The following GCKR variants were observed in gnomAD, a reference collection of about 807,000 sequenced individuals.
GCKR encodes glucokinase regulator.
GCKR carries 73 observed loss-of-function variants against 82.9 expected under a neutral mutation model. That is an observed-to-expected ratio of 0.88 (90% CI 0.73 to 1.07). The LOEUF (loss-of-function observed/expected upper bound fraction) is 1.07, where lower values mean the gene tolerates loss of function less well. Ranked by LOEUF, GCKR falls within the 50% of genes least tolerant of loss-of-function variation. The probability of loss-of-function intolerance (pLI) is 0.00; values close to 1 mark genes in which losing one functional copy is unlikely to be tolerated. For synonymous variants in GCKR, 294 were observed against 291.8 expected, an observed-to-expected ratio of 1.01 and a Z score of -0.08; for missense variants, 784 against 782.1, an observed-to-expected ratio of 1.00 and a Z score of -0.03.
chr2:27,508,010 A>T lies in GCKR; in HGVS notation c.1274A>T (p.Gln425Leu). The T allele has an allele frequency of 6.2e-7, 1 of 1,613,728 alleles. No homozygotes were observed. Among genetic ancestry groups the T allele is most frequent in the Non-Finnish European group, 8.5e-7 (1 of 1,179,640 alleles). ...ACGGAGGTGCAGACTATAGTGGAGC[A>T]GGTGAAAGAGAAGACCAACCACATC... ...NLTEVQTIVE[Q>L]VKEKTNHIQA... The change falls in exon 15 of 19, where the codon CAG becomes CTG. Residue 425 changes from glutamine to leucine, a missense_variant. Transcript: ENST00000264717.
At position 27,508,032 on chromosome 2, in the gene GCKR, C is replaced by T. The variant is rs1249152082; in HGVS notation, c.1296C>T (p.His432=). The change falls in exon 15 of 19, where the codon CAC becomes CAT. Residue 432 remains histidine (H), a synonymous_variant. Transcript: ENST00000264717. ...AGCAGGTGAAAGAGAAGACCAACCACATCCAGGCCCTGGCACACAGCACCG... is the reference window on the plus strand; with the variant it reads ...AGCAGGTGAAAGAGAAGACCAACCATATCCAGGCCCTGGCACACAGCACCG... The part of the protein sequence containing the change: ...IVEQVKEKTN[H]IQALAHSTVG... 6.2e-7 allele frequency: 1 copy of T among 1,613,906 alleles called. No individual in the cohort carries two copies. The highest frequency in any genetic ancestry group is 1.3e-5 in the African/African-American group (1 of 74,922).
chr2:27,505,625 G>T, intron 9 of GCKR, 93 bp from the exon 10 acceptor site: 1 of 754,252 alleles, frequency 1.3e-6, no homozygotes, highest in South Asian at 1.4e-5. Flanking sequence ...GGGGCCACTG[G>T]TACTATCACA....
chr2:27,500,374 G>A (rs1669546197), intron 7 of GCKR, among the ~76,000 whole-genome samples: 1 of 152,212 alleles, frequency 6.6e-6, no homozygotes, highest in Non-Finnish European at 1.5e-5. Context: ...CTGACCTCAA[G>A]TGATCTGCCC....
At chr2:27,516,596 ATTC>A (rs1296691046) in intron 16 of GCKR, among the ~76,000 whole-genome samples, 1 of 152,092 alleles carries the variant, frequency 6.6e-6, no homozygotes, top group Non-Finnish European at 1.5e-5. Flanking sequence ...TGCCCAGCCT[ATTC>A]TTCTTTTTAA....
chr2:27,509,591 CT>C, intron 16 of GCKR: 1 of 423,612 alleles, frequency 2.4e-6, no homozygotes, highest in Non-Finnish European at 4.9e-6. Flanking sequence ...ATCCACCCGC[CT>C]TAGCCTCCCA....
chr2:27,523,594 G>A lies in GCKR; in HGVS notation c.*155G>A. ...TAGGGAGAAATATTCTCTCCACTTT[G>A]GGGGAGAGTTCTTGCTCTCGACCTA... On this transcript the variant is annotated 3_prime_UTR_variant, in exon 19 of 19. Transcript: ENST00000264717. The A allele has an allele frequency of 1.4e-6, 1 of 715,522 alleles. No homozygotes were observed. The highest frequency in any genetic ancestry group is 1.6e-5 in the South Asian group (1 of 62,096). 44.3% of individuals were successfully genotyped at this position (715,522 alleles called of 1,614,324 possible). A position where few individuals can be genotyped will look rare whatever the true frequency, so the allele number is the denominator to read the frequency against.
intron 9 of GCKR, among the ~76,000 whole-genome samples, chr2:27,504,358 CTTTT>C (rs72281151): frequency 7.1e-6 from 1 of 141,590 alleles, no homozygotes. Context: ...TCAGTCACTA[CTTTT>C]TTTTTTTTTT....
At position 27,522,526 on chromosome 2, in the gene GCKR, C is replaced by T; in HGVS notation, c.1639C>T (p.Pro547Ser). 2 of 1,613,936 alleles carry T rather than the reference C, an allele frequency of 1.2e-6. No homozygotes were observed. Among genetic ancestry groups the T allele is most frequent in the Non-Finnish European group, 1.7e-6 (2 of 1,179,786 alleles). ...CCTCCGAGCGATCCACTTTCCCCAG[C>T]CACTGTCAGATGATATTCGGGCTGC... ...SLLRAIHFPQPLSDDIRAAPI... is the reference protein window; with the variant it reads ...SLLRAIHFPQSLSDDIRAAPI... The change falls in exon 18 of 19, where the codon CCA becomes TCA. Residue 547 changes from proline to serine, a missense_variant. Coordinates refer to ENST00000264717, the MANE Select transcript of GCKR (RefSeq NM_001486.4).
rs367961156 is a variant in GCKR at position 27,518,922 on chromosome 2, G to A, written c.1557G>A (p.Ala519=). 51 of 1,612,880 alleles carry A rather than the reference G, an allele frequency of 3.2e-5. No homozygotes were observed. The African/African-American group carries it at 4.4e-4, about 14-fold the overall frequency. The change falls in exon 17 of 19, where the codon GCG becomes GCA. Residue 519 remains alanine, a synonymous_variant. Coordinates refer to ENST00000264717, the MANE Select transcript of GCKR (RefSeq NM_001486.4). The stretch of plus-strand genomic sequence containing the variant: ...GCAACTCCAAGCTCTTCTGGCGGGC[G>A]CTGGCCATGCTGCAGGTAGGGATAT... ...RISNSKLFWR[A]LAMLQRFSGQ... is the part of the protein sequence containing the mutation.
rs1246063428 is a variant in GCKR, at chr2:27,502,688, T to C, written c.645-826T>C. Among the ~76,000 whole-genome samples the C allele has an allele frequency of 3.3e-5, 5 of 152,162 alleles. No individual in the cohort carries two copies. In the East Asian group the frequency reaches 9.6e-4, roughly 29 times the overall value. On this transcript the variant is annotated intron_variant, in intron 8 of 18. Transcript: ENST00000264717. ...CATTTTATACAACGGGCATGAAATA[T>C]GTGAAACTTGTCTGCCCTAGAAGTA...
At chr2:27,521,062 T>C (rs1247035492) in intron 17 of GCKR, among the ~76,000 whole-genome samples, 1 of 150,932 alleles carries the variant, frequency 6.6e-6, no homozygotes, top group Non-Finnish European at 1.5e-5. Flanking sequence ...AAATTAAAAT[T>C]AAAAAAAGCC....
chr2:27,503,402 G>T, intron 8 of GCKR, 112 bp from the exon 9 acceptor site: 2 of 725,908 alleles, frequency 2.8e-6, no homozygotes, highest in Non-Finnish European at 2.6e-6. Flanking sequence ...GTATGAAGTT[G>T]TTGACCTCTG....
In GCKR at chr2:27,498,269, G is replaced by T. The variant is rs376404254; in HGVS notation, c.300G>T (p.Gly100=). The change falls in exon 4 of 19, where the codon GGG becomes GGT. Residue 100 remains glycine (G), a synonymous_variant. Transcript: ENST00000264717. ...VQEVLKEPDG[G]LVVLSGGGTS... is the part of the protein sequence containing the mutation. ...TCCTTCTTCAGGAGCCAGATGGGGGGCTGGTTGTGCTGAGTGGAGGGGGCA... is the reference window on the plus strand; with the variant it reads ...TCCTTCTTCAGGAGCCAGATGGGGGTCTGGTTGTGCTGAGTGGAGGGGGCA... 1 of 1,613,262 alleles carries T rather than the reference G, an allele frequency of 6.2e-7. No individual in the cohort carries two copies. Among genetic ancestry groups the T allele is most frequent in the Admixed American group, 1.7e-5 (1 of 60,008 alleles).
chr2:27,501,397 G>A (rs1446001859), intron 8 of GCKR, among the ~76,000 whole-genome samples, 168 bp downstream of exon 8: 1 of 152,210 alleles, frequency 6.6e-6, no homozygotes, highest in Non-Finnish European at 1.5e-5. Flanking sequence ...TTGTTTGTTG[G>A]TTGGTTGAAT....
intron 8 of GCKR, among the ~76,000 whole-genome samples, chr2:27,502,578 C>T (rs528957806): frequency 3.2e-4 from 49 of 152,250 alleles, no homozygotes; most frequent in African/African-American, 9.9e-4. Flanking sequence ...TTAAACCATA[C>T]GATATGAACC....
chr2:27,518,090 G>C (rs1670052616), intron 16 of GCKR, among the ~76,000 whole-genome samples: 1 of 152,114 alleles, frequency 6.6e-6, no homozygotes, highest in African/African-American at 2.4e-5. Context: ...CTGTTGCCCA[G>C]GCTGGAGTGC....
chr2:27,503,363 T>G, intron 8 of GCKR, 151 bp from the exon 9 acceptor site: 1 of 693,928 alleles, frequency 1.4e-6, no homozygotes, highest in Admixed American at 2.0e-5. Flanking sequence ...GGGGACACAG[T>G]GCCTCTAAAA....
chr2:27,507,363 G>A (rs887841932), intron 13 of GCKR, 52 bp downstream of exon 13: 17 of 1,170,420 alleles, frequency 1.5e-5, no homozygotes, highest in Non-Finnish European at 2.1e-5. Context: ...AGTGTGCTGA[G>A]GGTGGAAGAA....
At position 27,501,143 on chromosome 2, in the gene GCKR, T is replaced by C. The variant is rs1238567789; in HGVS notation, c.558T>C (p.Phe186=). The C allele has an allele frequency of 9.9e-6, 16 of 1,612,638 alleles. No individual in the cohort carries two copies. The highest frequency in any genetic ancestry group is 1.3e-5 in the Non-Finnish European group (15 of 1,178,696). The change falls in exon 8 of 19, where the codon TTT becomes TTC. Residue 186 remains phenylalanine (F), a synonymous_variant. Transcript: ENST00000264717. ...IGISVGLSAP[F]VAGQMDCCMN... ...TCTCTCTTCACCATCAGGCTCCCTT[T>C]GTGGCAGGCCAGATGGACTGCTGCA...
Sources: gnomAD v4.1 joint callset for allele counts (sites outside exome capture counted in the v4.1 genomes callset) on GRCh38, gnomAD v4.1.1 for gene constraint, MANE v1.5 for transcripts, NCBI Gene and HGNC (gene_info 2026-07-23, HGNC 2026-07-21) for gene names.